Variants in PCLO observed in about 807,000 individuals in gnomAD.
The protein encoded by PCLO is protein piccolo.
In PCLO, 82 loss-of-function variants were observed where a neutral mutation model predicts 427.5. That is an observed-to-expected ratio of 0.19 (90% CI 0.16 to 0.23). The LOEUF is 0.23. Ranked by LOEUF, PCLO falls within the 10% of genes least tolerant of loss-of-function variation. The probability of loss-of-function intolerance (pLI) is 1.00; values close to 1 mark genes in which losing one functional copy is unlikely to be tolerated. For missense variants in PCLO, 6,239 were observed against 6,115.9 expected (o/e 1.02, Z -0.67); for synonymous variants, 2,357 against 2,155.4 (o/e 1.09, Z -2.59).
intron 1 of PCLO, among the ~76,000 whole-genome samples, chr7:83,158,372 A>C (rs1584101849): frequency 6.6e-6 from 1 of 151,944 alleles, no homozygotes; most frequent in Non-Finnish European, 1.5e-5. Flanking sequence ...TAAATCTTCT[A>C]TATTTACTTA....
intron 9 of PCLO, among the ~76,000 whole-genome samples, chr7:82,893,913 C>A (rs539938350): frequency 1.3e-5 from 2 of 151,788 alleles, no homozygotes; most frequent in African/African-American, 4.8e-5. Flanking sequence ...GAAATCAATA[C>A]TATAATGGAA....
intron 3 of PCLO, among the ~76,000 whole-genome samples, chr7:83,115,046 GA>G (rs1353890828): frequency 1.3e-5 from 2 of 151,910 alleles, no homozygotes; most frequent in East Asian, 3.9e-4. Context: ...GTATGTTGAT[GA>G]ATTAAACAAG....
intron 10 of PCLO, among the ~76,000 whole-genome samples, chr7:82,877,648 A>G (rs1251051637): frequency 6.6e-6 from 1 of 152,030 alleles, no homozygotes; most frequent in Non-Finnish European, 1.5e-5. Flanking sequence ...GAATGCCATT[A>G]GAATATTTTT....
chr7:83,096,883 A>ATTATATAATATATTAATATTATATATATT, intron 3 of PCLO, among the ~76,000 whole-genome samples: 1 of 57,942 alleles, frequency 1.7e-5, no homozygotes, highest in African/African-American at 8.5e-5. Flanking sequence ...ATATAAATAT[A>ATTATATAATATATTAATATTATATATATT]TTATATAATA....
chr7:83,034,814 T>C (rs975280307), intron 3 of PCLO, among the ~76,000 whole-genome samples: 1 of 152,232 alleles, frequency 6.6e-6, no homozygotes, highest in Non-Finnish European at 1.5e-5. Context: ...AACTTGTTCA[T>C]TGATTCTATT....
Position 82,951,210 on chromosome 7 carries a change from T to C in PCLO, c.9378A>G (p.Ala3126=), listed in dbSNP as rs760072447. The change falls in exon 6 of 25, where the codon GCA becomes GCG. Residue 3126 remains alanine (A), a synonymous_variant. Transcript: ENST00000333891. ...RDLSGIHTAD[A]VTSLPAMHHS... is the part of the protein sequence containing the mutation. ...GGTGCATGGCAGGTAATGAAGTCAC[T>C]GCATCAGCCGTATGAATACCAGACA... 6.2e-7 allele frequency: 1 copy of C among 1,613,668 alleles called. No homozygotes were observed. Among genetic ancestry groups the C allele is most frequent in the Non-Finnish European group, 8.5e-7 (1 of 1,179,766 alleles).
intron 7 of PCLO, among the ~76,000 whole-genome samples, chr7:82,910,085 GGA>G (rs749436879): frequency 4.1e-4 from 63 of 152,060 alleles, no homozygotes; most frequent in Admixed American, 9.8e-4. Flanking sequence ...AACAGTCTCT[GGA>G]AATACTTTGT....
At chr7:83,057,348 ATTTTTT>A (rs1199445166) in intron 3 of PCLO, among the ~76,000 whole-genome samples, 7 of 19,628 alleles carry the variant, frequency 3.6e-4, no homozygotes, top group Non-Finnish European at 2.7e-4. Flanking sequence ...ATATATATAT[ATTTTTT>A]TTTTTTTTTT....
chr7:83,092,806 G>A (rs1429593170), intron 3 of PCLO, among the ~76,000 whole-genome samples: 1 of 151,988 alleles, frequency 6.6e-6, no homozygotes, highest in African/African-American at 2.4e-5. Flanking sequence ...AGTTGGTCGG[G>A]TGTGGTGATG....
intron 3 of PCLO, among the ~76,000 whole-genome samples, chr7:82,976,267 T>C (rs1796015591): frequency 6.6e-6 from 1 of 152,120 alleles, no homozygotes. Context: ...TGGAGTTCAG[T>C]GAGAAGGGAC....
chr7:82,888,960 A>G (rs980697374), intron 9 of PCLO, among the ~76,000 whole-genome samples: 15 of 37,414 alleles, frequency 4.0e-4, no homozygotes, highest in Non-Finnish European at 7.5e-4. Flanking sequence ...CCCCTGCCCC[A>G]CCCCCGCCAA....
At chr7:82,878,718 T>G (rs2116039063) in intron 10 of PCLO, among the ~76,000 whole-genome samples, 1 of 152,316 alleles carries the variant, frequency 6.6e-6, no homozygotes, top group South Asian at 2.1e-4. Context: ...TATCTAAAAA[T>G]AGACCACACC....
intron 9 of PCLO, among the ~76,000 whole-genome samples, chr7:82,893,330 A>G (rs1010393822): frequency 6.6e-6 from 1 of 152,078 alleles, no homozygotes; most frequent in African/African-American, 2.4e-5. Flanking sequence ...AGGACAAAAA[A>G]CCAAACACTG....
rs1162711538 is a variant in PCLO at position 82,954,026 on chromosome 7, C to T, written c.6927G>A (p.Gly2309=). The part of the protein sequence containing the change: ...DPVKKAKKET[G]NGIILEVLEA... ...CCAAAACTTCCAGAATGATTCCATT[C>T]CCAGTTTCCTTCTTGGCTTTCTTCA... The change falls in exon 5 of 25, where the codon GGG becomes GGA. Residue 2309 remains glycine, a synonymous_variant. Transcript: ENST00000333891. The T allele has an allele frequency of 1.2e-6, 2 of 1,613,820 alleles. No individual in the cohort carries two copies. Among genetic ancestry groups the T allele is most frequent in the Non-Finnish European group, 8.5e-7 (1 of 1,179,834 alleles).
At chr7:83,121,394 T>G (rs923155429) in intron 3 of PCLO, among the ~76,000 whole-genome samples, 2 of 151,710 alleles carry the variant, frequency 1.3e-5, no homozygotes, top group African/African-American at 4.8e-5. Context: ...AAACAAAAAA[T>G]AAAAGCAAGA....
intron 3 of PCLO, among the ~76,000 whole-genome samples, chr7:83,035,204 C>A (rs976392278): frequency 3.3e-5 from 5 of 152,176 alleles, no homozygotes; most frequent in Admixed American, 2.6e-4. Flanking sequence ...TTCCAATAAC[C>A]TGGCTTTTGC....
chr7:82,991,076 C>A (rs887656688), intron 3 of PCLO, among the ~76,000 whole-genome samples: 5 of 152,032 alleles, frequency 3.3e-5, no homozygotes, highest in African/African-American at 7.2e-5. Context: ...GAATGTTATT[C>A]ATAAAAATAA....
At chr7:83,116,843 A>G (rs1791147460) in intron 3 of PCLO, among the ~76,000 whole-genome samples, 1 of 152,132 alleles carries the variant, frequency 6.6e-6, no homozygotes, top group Non-Finnish European at 1.5e-5. Context: ...TGTGATATCA[A>G]CTTTCTAAAA....
chr7:82,893,244 TA>T (rs1163143581), intron 9 of PCLO, among the ~76,000 whole-genome samples: 3,664 of 152,160 alleles, frequency 0.024, 152 homozygotes, highest in African/African-American at 0.083. Context: ...TATGCAGCCA[TA>T]AAAAATGATG....
Sources: gnomAD v4.1 joint callset for allele counts (sites outside exome capture counted in the v4.1 genomes callset) on GRCh38, gnomAD v4.1.1 for gene constraint, MANE v1.5 for transcripts, NCBI Gene and HGNC (gene_info 2026-07-23, HGNC 2026-07-21) for gene names.